The following UACA variants were observed in gnomAD, a reference collection of about 807,000 sequenced individuals.
The protein encoded by UACA is uveal autoantigen with coiled-coil domains and ankyrin repeats.
A neutral mutation model predicts 160.5 loss-of-function variants in UACA; 112 were observed. The ratio of observed to expected loss-of-function variants is 0.70; its 90% confidence interval spans 0.60 to 0.82. UACA has a LOEUF of 0.82. Among genes scored for constraint, UACA ranks in the 40% least tolerant of loss-of-function variants. The pLI, the probability that UACA is intolerant of heterozygous loss-of-function variation, is 0.00. For missense variants in UACA, 1,574 were observed against 1,614.6 expected (o/e 0.97, Z 0.43); for synonymous variants, 557 against 568.4 (o/e 0.98, Z 0.29).
At chr15:70,704,209 C>G (rs1201469625) in intron 1 of UACA, among the ~76,000 whole-genome samples, 1 of 152,212 alleles carries the variant, frequency 6.6e-6, no homozygotes, top group African/African-American at 2.4e-5. Context: ...GAATCCACAT[C>G]TGCTTCATGA....
rs1190186663 is a variant in UACA, at chr15:70,667,657, T to C, written c.3027A>G (p.Leu1009=). 6.2e-7 allele frequency: 1 copy of C among 1,613,406 alleles called. No individual in the cohort carries two copies. Among genetic ancestry groups the C allele is most frequent in the East Asian group, 2.2e-5 (1 of 44,876 alleles). ...KATEKELKDQ[L]SEQTQKYSVS... ...CACTATACTTTTGTGTCTGCTCTGA[T>C]AACTGGTCTTTTAGTTCTTTCTCTG... Residue 1009 remains leucine, a synonymous_variant, in exon 16 of 19, where the codon TTA becomes TTG. Transcript: ENST00000322954.
intron 9 of UACA, 125 bp from the exon 10 acceptor site, chr15:70,679,801 CA>C: frequency 1.9e-6 from 1 of 520,746 alleles, no homozygotes; most frequent in South Asian, 2.8e-5. Context: ...GCACATAACA[CA>C]AGGTGGCAGT....
chr15:70,739,447 A>G (rs1899463891), intron 1 of UACA, among the ~76,000 whole-genome samples: 1 of 152,194 alleles, frequency 6.6e-6, no homozygotes, highest in African/African-American at 2.4e-5. Context: ...GTTGAGAACC[A>G]CTGTTATAAA....
chr15:70,669,513 T>A, intron 15 of UACA, 51 bp from the exon 16 acceptor site: 1 of 1,389,944 alleles, frequency 7.2e-7, no homozygotes, highest in Non-Finnish European at 9.6e-7. Context: ...AATGAGACAT[T>A]TACTATACTT....
intron 3 of UACA, among the ~76,000 whole-genome samples, chr15:70,692,158 CTTCTT>C (rs922973497): frequency 3.9e-5 from 6 of 152,080 alleles, no homozygotes; most frequent in Admixed American, 1.3e-4. Flanking sequence ...ATCTCACAAA[CTTCTT>C]TTCTTTTCAA....
intron 18 of UACA, among the ~76,000 whole-genome samples, chr15:70,659,395 G>GTTTTTCTTTTTTTTTTTTTTTTTTTTT (rs1896607424): frequency 5.3e-5 from 1 of 18,818 alleles, no homozygotes; most frequent in Non-Finnish European, 9.6e-5. Flanking sequence ...TTTTTTGTTT[G>GTTTTTCTTTTTTTTTTTTTTTTTTTTT]TTTTTTTTTT....
chr15:70,714,378 C>T (rs1442045481), intron 1 of UACA, among the ~76,000 whole-genome samples: 2 of 152,184 alleles, frequency 1.3e-5, no homozygotes, highest in African/African-American at 4.8e-5. Flanking sequence ...TTCTCCCTGA[C>T]CCCTGACTCT....
chr15:70,748,669 T>C (rs1899786263), intron 1 of UACA, among the ~76,000 whole-genome samples: 1 of 152,112 alleles, frequency 6.6e-6, no homozygotes, highest in African/African-American at 2.4e-5. Flanking sequence ...TCCCTGTTCA[T>C]TCCCTAGAGA....
intron 7 of UACA, 77 bp from the exon 8 acceptor site, chr15:70,684,523 G>C (rs1431847066): frequency 1.0e-5 from 15 of 1,438,178 alleles, no homozygotes; most frequent in Non-Finnish European, 1.4e-5. Flanking sequence ...CCCTATTGTT[G>C]AACACTGTCT....
intron 1 of UACA, among the ~76,000 whole-genome samples, chr15:70,703,655 G>A (rs1161306049): frequency 6.6e-6 from 1 of 152,064 alleles, no homozygotes; most frequent in Non-Finnish European, 1.5e-5. Flanking sequence ...GAAGGAAGAG[G>A]GAAAACAGTA....
At chr15:70,702,431 ATT>A (rs1898398859) in intron 1 of UACA, 7 of 466,680 alleles carry the variant, frequency 1.5e-5, no homozygotes, top group Non-Finnish European at 1.7e-5. Flanking sequence ...CTAAGAATAT[ATT>A]GTAAATGCAT....
At chr15:70,679,747 GC>G in intron 9 of UACA, 71 bp from the exon 10 acceptor site, 1 of 887,296 alleles carries the variant, frequency 1.1e-6, no homozygotes. Flanking sequence ...TCCTCAATTG[GC>G]AATACACCCA....
At chr15:70,682,916 C>T (rs1897563812) in intron 8 of UACA, 121 bp from the exon 9 acceptor site, 5 of 523,556 alleles carry the variant, frequency 9.6e-6, no homozygotes, top group African/African-American at 2.0e-5. Flanking sequence ...TCCTCTAAAG[C>T]TTACAACTTT....
intron 1 of UACA, among the ~76,000 whole-genome samples, chr15:70,699,896 G>A (rs1169478233): frequency 6.6e-6 from 1 of 151,972 alleles, no homozygotes; most frequent in Non-Finnish European, 1.5e-5. Flanking sequence ...TTGAGGGAAA[G>A]CATGTTTCTT....
At chr15:70,761,364 AT>A (rs1209366592) in intron 1 of UACA, among the ~76,000 whole-genome samples, 1 of 152,060 alleles carries the variant, frequency 6.6e-6, no homozygotes, top group Non-Finnish European at 1.5e-5. Flanking sequence ...CATGTGCTAT[AT>A]TACCTATTCA....
At chr15:70,725,026 A>C (rs12903025) in intron 1 of UACA, among the ~76,000 whole-genome samples, 1 of 152,166 alleles carries the variant, frequency 6.6e-6, no homozygotes, top group East Asian at 1.9e-4. Flanking sequence ...AAGGAGGTTA[A>C]GGCTGCAGTG....
chr15:70,769,566 TATATC>T, the UACA span, among the ~76,000 whole-genome samples: 3 of 151,088 alleles, frequency 2.0e-5, no homozygotes, highest in Non-Finnish European at 4.4e-5. Flanking sequence ...TATTATATTT[TATATC>T]ATATAAAATT....
At chr15:70,760,048 T>C (rs1481888530) in intron 1 of UACA, among the ~76,000 whole-genome samples, 1 of 152,210 alleles carries the variant, frequency 6.6e-6, no homozygotes, top group East Asian at 1.9e-4. Flanking sequence ...AAATTATTTA[T>C]GAAATAAACA....
intron 1 of UACA, among the ~76,000 whole-genome samples, chr15:70,709,920 T>C (rs1041268783): frequency 1.3e-5 from 2 of 152,158 alleles, no homozygotes; most frequent in African/African-American, 4.8e-5. Context: ...AGAGGAGTCA[T>C]CCCGAACAAA....
Sources: allele counts gnomAD v4.1 joint callset (sites outside exome capture counted in the v4.1 genomes callset), GRCh38; gene constraint gnomAD v4.1.1; transcripts MANE v1.5; gene names NCBI Gene and HGNC (gene_info 2026-07-23, HGNC 2026-07-21).